MBTD1: variants seen among roughly 807,000 people sequenced by gnomAD.
MBTD1 encodes mbt domain containing 1, also known as MBT domain-containing protein 1.
MBTD1 carries 24 observed loss-of-function variants against 87.8 expected under a neutral mutation model. That is an observed-to-expected ratio of 0.27 (90% CI 0.20 to 0.38). MBTD1 has a LOEUF of 0.38. Among genes scored for constraint, MBTD1 ranks in the 10% least tolerant of loss-of-function variants. MBTD1 has a pLI of 1.00. For missense variants in MBTD1, 436 were observed against 760.2 expected (o/e 0.57, Z 5.02); for synonymous variants, 237 against 248.6 (o/e 0.95, Z 0.44).
intron 2 of MBTD1, among the ~76,000 whole-genome samples, chr17:51,243,361 A>G (rs996680592): frequency 4.6e-5 from 7 of 152,066 alleles, no homozygotes; most frequent in African/African-American, 1.7e-4. Flanking sequence ...GAATAATACA[A>G]TGAAGTCCTG....
chr17:51,236,084 A>G (rs945445474), intron 2 of MBTD1, among the ~76,000 whole-genome samples: 1 of 152,074 alleles, frequency 6.6e-6, no homozygotes, highest in African/African-American at 2.4e-5. Context: ...TATAGAGTGT[A>G]TATATATATC....
intron 5 of MBTD1, among the ~76,000 whole-genome samples, chr17:51,218,577 C>T (rs2052711917): frequency 6.6e-6 from 1 of 151,322 alleles, no homozygotes; most frequent in South Asian, 2.1e-4. Context: ...ATGGTCCTTT[C>T]CTTAATCTCC....
intron 8 of MBTD1, among the ~76,000 whole-genome samples, 154 bp from the exon 9 acceptor site, chr17:51,203,382 A>G (rs1049325238): frequency 6.6e-6 from 1 of 152,242 alleles, no homozygotes; most frequent in Non-Finnish European, 1.5e-5. Context: ...CCTTGCCAGC[A>G]AAAAGCTGCT....
rs1289900840 is a variant in MBTD1 at position 51,178,622 on chromosome 17, G to C, written c.*1954C>G. The C allele has an allele frequency of 6.6e-6, 1 of 152,160 alleles. No homozygotes were observed. The highest frequency in any genetic ancestry group is 1.5e-5 in the Non-Finnish European group (1 of 68,030). The allele number at this position is 152,160 out of a possible 1,614,324, so 9.4% of individuals were successfully genotyped here. On this transcript the variant is annotated 3_prime_UTR_variant, in exon 17 of 17. Transcript: ENST00000586178. ...GAGAATAAAGACTGCTCTAACCCTT[G>C]CTTTGGAATACTTCTAGGCTTTAAG... is the stretch of plus-strand genomic sequence containing the variant.
At chr17:51,238,666 T>C (rs1174674076) in intron 2 of MBTD1, among the ~76,000 whole-genome samples, 1 of 151,984 alleles carries the variant, frequency 6.6e-6, no homozygotes, top group South Asian at 2.1e-4. Flanking sequence ...ACTGACTAAA[T>C]GAAAAAAGTG....
intron 15 of MBTD1, 141 bp downstream of exon 15, chr17:51,192,641 G>T: frequency 7.0e-7 from 1 of 1,431,242 alleles, no homozygotes; most frequent in East Asian, 2.3e-5. Context: ...TATTGTTGTT[G>T]AGTCTTAATG....
intron 11 of MBTD1, 64 bp from the exon 12 acceptor site, chr17:51,201,760 T>A: frequency 8.8e-7 from 1 of 1,130,142 alleles, no homozygotes; most frequent in South Asian, 1.3e-5. Flanking sequence ...ATTAAAATAT[T>A]ACCAATGTGA....
intron 6 of MBTD1, among the ~76,000 whole-genome samples, chr17:51,209,989 C>T (rs1437837291): frequency 6.6e-6 from 1 of 152,044 alleles, no homozygotes; most frequent in Non-Finnish European, 1.5e-5. Flanking sequence ...CTGTTCCTGC[C>T]TTCTCCATAA....
At chr17:51,200,377 C>G (rs2051391053) in intron 12 of MBTD1, among the ~76,000 whole-genome samples, 1 of 151,304 alleles carries the variant, frequency 6.6e-6, no homozygotes, top group Non-Finnish European at 1.5e-5. Context: ...TCCTGGGCAA[C>G]AGTGAGACCC....
At chr17:51,260,684 G>C, upstream of MBTD1, 1 of 1,608,162 alleles carries the variant, frequency 6.2e-7, no homozygotes, top group Non-Finnish European at 8.5e-7. Context: ...AGCCGGAGCG[G>C]GGCCAGGCGG....
intron 2 of MBTD1, among the ~76,000 whole-genome samples, chr17:51,244,596 C>G (rs934035137): frequency 6.6e-6 from 1 of 152,076 alleles, no homozygotes; most frequent in Admixed American, 6.5e-5. Context: ...TTAGTAGAGG[C>G]AGGGTTTCAC....
chr17:51,201,271 GA>G lies in MBTD1; in HGVS notation c.1224+320del, dbSNP rs563733903. ...AAAAAGGCCTAAAGAGGAAACACAGGAAACTGAAGATAAACTTGGCCTTGTT... is the reference window on the plus strand; with the variant it reads ...AAAAAGGCCTAAAGAGGAAACACAGGAACTGAAGATAAACTTGGCCTTGTT... On this transcript the variant is annotated intron_variant, in intron 12 of 16. Transcript: ENST00000586178. 7.1e-4 allele frequency among the ~76,000 whole-genome samples: 108 copies of G among 152,234 alleles called. 1 individual carries two copies. The highest frequency in any genetic ancestry group is 3.4e-3 in the Middle Eastern group (1 of 294).
intron 3 of MBTD1, among the ~76,000 whole-genome samples, chr17:51,223,454 T>C (rs1478347581): frequency 6.6e-6 from 1 of 152,036 alleles, no homozygotes; most frequent in Non-Finnish European, 1.5e-5. Flanking sequence ...GAGGATCACC[T>C]GAGCTCGGGA....
chr17:51,219,791 C>G (rs539061001), intron 4 of MBTD1, among the ~76,000 whole-genome samples: 1 of 152,158 alleles, frequency 6.6e-6, no homozygotes, highest in African/African-American at 2.4e-5. Flanking sequence ...GGTCAAGTCT[C>G]CAGTCATTTT....
At chr17:51,223,136 A>C (rs1342139928) in intron 3 of MBTD1, among the ~76,000 whole-genome samples, 1 of 152,132 alleles carries the variant, frequency 6.6e-6, no homozygotes, top group Non-Finnish European at 1.5e-5. Flanking sequence ...AAAGACTAGA[A>C]TAGGACCAAC....
chr17:51,209,486 G>C (rs965104718), intron 6 of MBTD1: 4 of 470,874 alleles, frequency 8.5e-6, no homozygotes, highest in Non-Finnish European at 1.8e-5. Flanking sequence ...CAAATGCTGA[G>C]GGGTCCCCAA....
intron 12 of MBTD1, 33 bp from the exon 13 acceptor site, chr17:51,195,394 A>G (rs185653431): frequency 4.0e-5 from 60 of 1,507,756 alleles, no homozygotes; most frequent in Admixed American, 1.0e-4. Context: ...AGTACTTGAA[A>G]TTAGATACCA....
chr17:51,217,440 T>G, intron 5 of MBTD1, 24 bp from the exon 6 acceptor site: 3 of 1,140,662 alleles, frequency 2.6e-6, no homozygotes, highest in Non-Finnish European at 3.7e-6. Flanking sequence ...AATTTAGATG[T>G]ATTATAATTC....
In MBTD1 at chr17:51,179,510, A is replaced by ATATATT. The variant is rs2050221313; in HGVS notation, c.*1065_*1066insAATATA. 1.0e-5 allele frequency: 1 copy of ATATATT among 95,736 alleles called. No homozygotes were observed. The highest frequency in any genetic ancestry group is 2.2e-5 in the Non-Finnish European group (1 of 45,760). The allele number at this position is 95,736 out of a possible 1,614,324, so 5.9% of individuals were successfully genotyped here. Reference sequence around the variant, plus strand: ...TATATATATATATATATATATATATATATATATATATATATATATATATAT... The same window carrying ATATATT: ...TATATATATATATATATATATATATATATATTTATATATATATATATATATATATAT... On this transcript the variant is annotated 3_prime_UTR_variant, in exon 17 of 17. Coordinates refer to ENST00000586178, the MANE Select transcript of MBTD1 (RefSeq NM_017643.3).
Sources: gnomAD v4.1 joint callset for allele counts (sites outside exome capture counted in the v4.1 genomes callset) on GRCh38, gnomAD v4.1.1 for gene constraint, MANE v1.5 for transcripts, NCBI Gene and HGNC (gene_info 2026-07-23, HGNC 2026-07-21) for gene names.